Variants in PHF2 observed in about 807,000 individuals in gnomAD.
PHF2 encodes lysine-specific demethylase PHF2.
Under a neutral mutation model 120.5 loss-of-function variants are expected in PHF2, and 27 were observed. The ratio of observed to expected loss-of-function variants is 0.22; its 90% confidence interval spans 0.17 to 0.31. PHF2 has a LOEUF of 0.31. Among genes scored for constraint, PHF2 ranks in the 10% least tolerant of loss-of-function variants. The pLI is 1.00. For synonymous variants in PHF2, 568 were observed against 592.5 expected, an observed-to-expected ratio of 0.96 and a Z score of 0.60; for missense variants, 1,024 against 1,434.8, an observed-to-expected ratio of 0.71 and a Z score of 4.63.
intron 1 of PHF2, among the ~76,000 whole-genome samples, chr9:93,596,876 A>T (rs1045003186): frequency 2.4e-4 from 36 of 150,564 alleles, no homozygotes; most frequent in Admixed American, 7.3e-4. Context: ...CTCCTGCCTC[A>T]GTCTCCTGAG....
intron 11 of PHF2, 58 bp from the exon 12 acceptor site, chr9:93,660,134 C>T (rs545013535): frequency 9.1e-5 from 134 of 1,464,702 alleles, no homozygotes; most frequent in South Asian, 8.6e-4. Flanking sequence ...GTGTGTGGAC[C>T]GTCTTGGGCC....
At position 93,604,960 on chromosome 9, in the gene PHF2, G is replaced by A. The variant is rs148697959; in HGVS notation, c.99-25010G>A. Among the ~76,000 whole-genome samples, 9 of 152,200 alleles carry A rather than the reference G, an allele frequency of 5.9e-5. No individual in the cohort carries two copies. The East Asian group carries it at 1.7e-3, about 29-fold the overall frequency. On this transcript the variant is annotated intron_variant, in intron 1 of 21. Coordinates refer to ENST00000359246, the MANE Select transcript of PHF2 (RefSeq NM_005392.4). ...TTCCCCAGAATCTTTCCTTTAGGAA[G>A]CATGTAGACATGCACACAGAACTTC...
intron 11 of PHF2, 97 bp downstream of exon 11, chr9:93,659,697 C>G: frequency 1.7e-6 from 2 of 1,150,298 alleles, no homozygotes; most frequent in Non-Finnish European, 2.5e-6. Context: ...CACAGAGCTG[C>G]CAGGTCTGGG....
At chr9:93,671,144 G>T in intron 17 of PHF2, 1 of 983,046 alleles carries the variant, frequency 1.0e-6, no homozygotes, top group Non-Finnish European at 1.2e-6. Flanking sequence ...AGGTGCAGAT[G>T]CAGGTGTGGA....
At chr9:93,587,537 T>C (rs1359896204) in intron 1 of PHF2, among the ~76,000 whole-genome samples, 3 of 146,960 alleles carry the variant, frequency 2.0e-5, no homozygotes, top group Admixed American at 2.0e-4. Flanking sequence ...AGATAGTGGA[T>C]GGAGGAGCCC....
chr9:93,617,596 C>T (rs534673487), intron 1 of PHF2, among the ~76,000 whole-genome samples: 101 of 152,250 alleles, frequency 6.6e-4, no homozygotes, highest in African/African-American at 2.3e-3. Flanking sequence ...TTGGCCGTTT[C>T]CTGTGGTGTC....
At chr9:93,593,984 A>T (rs1352156024) in intron 1 of PHF2, among the ~76,000 whole-genome samples, 1 of 152,256 alleles carries the variant, frequency 6.6e-6, no homozygotes, top group Non-Finnish European at 1.5e-5. Flanking sequence ...GAGTAAGACC[A>T]TCAGGGTTTA....
At chr9:93,602,077 A>C (rs896261434) in intron 1 of PHF2, among the ~76,000 whole-genome samples, 1 of 149,578 alleles carries the variant, frequency 6.7e-6, no homozygotes, top group South Asian at 2.2e-4. Context: ...CTCATCCTCT[A>C]CCTGCTTCTC....
At chr9:93,653,651 G>A (rs1026756947) in intron 6 of PHF2, among the ~76,000 whole-genome samples, 1 of 152,206 alleles carries the variant, frequency 6.6e-6, no homozygotes. Context: ...AGGAGAAAGG[G>A]GAATGTTGCA....
intron 1 of PHF2, among the ~76,000 whole-genome samples, chr9:93,607,994 TGA>T (rs565100179): frequency 1.4e-4 from 9 of 65,546 alleles, no homozygotes; most frequent in South Asian, 4.0e-4. Context: ...CGGAGGGAGA[TGA>T]GAGAGAGAGA....
intron 1 of PHF2, among the ~76,000 whole-genome samples, chr9:93,580,990 G>A (rs1034191392): frequency 7.9e-5 from 12 of 152,142 alleles, no homozygotes; most frequent in Non-Finnish European, 1.5e-4. Flanking sequence ...CCCTGCCTGT[G>A]TACCCAGGGG....
intron 14 of PHF2, 122 bp downstream of exon 14, chr9:93,663,757 A>T (rs1434860493): frequency 3.4e-6 from 2 of 593,912 alleles, no homozygotes; most frequent in Admixed American, 5.3e-5. Context: ...CTATGCATGC[A>T]CTCTGCATCT....
chr9:93,580,958 G>A (rs142027011), intron 1 of PHF2, among the ~76,000 whole-genome samples: 3 of 152,298 alleles, frequency 2.0e-5, no homozygotes, highest in Non-Finnish European at 4.4e-5. Context: ...GGGGCAGGGA[G>A]CCAGTGAGGA....
At chr9:93,582,125 C>G (rs534959986) in intron 1 of PHF2, among the ~76,000 whole-genome samples, 46 of 152,254 alleles carry the variant, frequency 3.0e-4, no homozygotes, top group African/African-American at 1.1e-3. Flanking sequence ...ACCTTCATTC[C>G]CAGCATGGAC....
intron 1 of PHF2, among the ~76,000 whole-genome samples, chr9:93,598,368 T>C (rs13291079): frequency 0.38 from 57,500 of 152,048 alleles, 11,468 homozygotes; most frequent in Non-Finnish European, 0.43. Context: ...ACCTTGGTTC[T>C]CATCCTACCA....
chr9:93,610,779 A>G (rs553088980), intron 1 of PHF2, among the ~76,000 whole-genome samples: 19 of 152,292 alleles, frequency 1.2e-4, no homozygotes, highest in African/African-American at 3.8e-4. Context: ...TCCTATTTGG[A>G]GAAATGTGAC....
chr9:93,590,097 G>C (rs1286353162), intron 1 of PHF2, among the ~76,000 whole-genome samples: 1 of 152,214 alleles, frequency 6.6e-6, no homozygotes, highest in Non-Finnish European at 1.5e-5. Context: ...CTGGGCTGAA[G>C]GATATAGCAT....
At position 93,677,709 on chromosome 9, in the gene PHF2, CA is replaced by C; in HGVS notation, c.*34del. ...AAAGCCAGGATCCTTCTGCTCCGCT[CA>C]GGACCCCCGGAGCCCCGCGAAAACA... On this transcript the variant is annotated 3_prime_UTR_variant, in exon 22 of 22. Transcript: ENST00000359246. This position sits in a 1 kb window ranked among gnomAD's most constrained non-coding sequence, Gnocchi z 4.4. The C allele has an allele frequency of 1.3e-6, 2 of 1,544,896 alleles. No homozygotes were observed. The highest frequency in any genetic ancestry group is 1.8e-6 in the Non-Finnish European group (2 of 1,118,768).
intron 3 of PHF2, among the ~76,000 whole-genome samples, chr9:93,637,879 C>T (rs1587698227): frequency 6.6e-6 from 1 of 152,230 alleles, no homozygotes; most frequent in Admixed American, 6.5e-5. Flanking sequence ...AAAGCAGGTT[C>T]CCCGTTTTAC....
Sources: gnomAD v4.1 joint callset for allele counts (sites outside exome capture counted in the v4.1 genomes callset) on GRCh38, gnomAD v4.1.1 for gene constraint, Gnocchi (gnomAD v3.1) non-coding constraint, MANE v1.5 for transcripts, NCBI Gene and HGNC (gene_info 2026-07-23, HGNC 2026-07-21) for gene names.